CEP170B: variants seen among roughly 807,000 people sequenced by gnomAD.
CEP170B encodes centrosomal protein of 170 kDa protein B.
In CEP170B, 55 loss-of-function variants were observed where a neutral mutation model predicts 120.6. The observed-to-expected ratio is 0.46, with a 90% CI of 0.37 to 0.57. The LOEUF (loss-of-function observed/expected upper bound fraction) is 0.57. Ranked by LOEUF, CEP170B falls within the 20% of genes least tolerant of loss-of-function variation. The pLI is 0.00. For missense variants in CEP170B, 2,212 were observed against 2,253.3 expected, an observed-to-expected ratio of 0.98 and a Z score of 0.37; for synonymous variants, 1,033 against 954.5, an observed-to-expected ratio of 1.08 and a Z score of -1.52.
intron 5 of CEP170B, among the ~76,000 whole-genome samples, chr14:104,879,111 G>A (rs1249188326): frequency 1.3e-5 from 2 of 152,182 alleles, no homozygotes; most frequent in African/African-American, 4.8e-5. Flanking sequence ...AGGGGCTTTA[G>A]ATTCTCTGAC....
At position 104,886,692 on chromosome 14, in the gene CEP170B, A is replaced by T. The variant is rs920437914; in HGVS notation, c.2453A>T (p.Asp818Val). 2 of 1,559,592 alleles carry T rather than the reference A, an allele frequency of 1.3e-6. No individual in the cohort carries two copies. The highest frequency in any genetic ancestry group is 1.7e-6 in the Non-Finnish European group (2 of 1,153,902). Residue 818 changes from aspartate to valine, a missense_variant, in exon 12 of 19, where the codon GAT (aspartate) becomes GTT (valine). Asp to Val is a radical substitution (Grantham distance 152, BLOSUM62 -3). This residue lies in a region of CEP170B where 2,166 missense variants were observed against 2,166.7 expected (regional missense o/e 1.00). Transcript: ENST00000414716. ...AGGAAACCGCTTGCGGCTCCAGGGG[A>T]TGGGGAGGGCCTAGGGCAGACAGCC... ...LSRKPLAAPG[D>V]GEGLGQTAQP...
At chr14:104,883,691 T>C in intron 8 of CEP170B, 140 bp from the exon 9 acceptor site, 1 of 1,085,532 alleles carries the variant, frequency 9.2e-7, no homozygotes, top group Non-Finnish European at 1.3e-6. Context: ...CCGTTGCACT[T>C]CTTTGCCCTG....
intron 2 of CEP170B, among the ~76,000 whole-genome samples, chr14:104,872,181 G>A (rs1011212699): frequency 2.1e-5 from 3 of 145,164 alleles, no homozygotes; most frequent in African/African-American, 7.8e-5. Flanking sequence ...GTGTGCGTGT[G>A]TGTGCTGTGT....
chr14:104,872,947 T>C (rs28480267), intron 2 of CEP170B, among the ~76,000 whole-genome samples: 56,964 of 152,226 alleles, frequency 0.37, 12,830 homozygotes, highest in Middle Eastern at 0.65. Context: ...CACATCTGTG[T>C]TTGCCTGGCT....
rs754382388 is a variant in CEP170B, at chr14:104,886,504, G to T, written c.2265G>T (p.Gly755=). The change falls in exon 12 of 19, where the codon GGG becomes GGT. Residue 755 remains glycine (G), a synonymous_variant. Coordinates refer to ENST00000414716, the MANE Select transcript of CEP170B (RefSeq NM_001112726.3). ...TCAGCGATGCCAGTGGGTCGGACGG[G>T]GGCCGAGGCCCCGAGCCAGGGGTGG... is the stretch of plus-strand genomic sequence containing the variant. The part of the protein sequence containing the change: ...DSLSDASGSD[G]GRGPEPGVEP... 11 of 1,510,958 alleles carry T rather than the reference G, an allele frequency of 7.3e-6. No individual in the cohort carries two copies. In the East Asian group the frequency reaches 2.1e-4, roughly 29 times the overall value. The allele number at this position is 1,510,958 out of a possible 1,614,324, so 93.6% of individuals were successfully genotyped here.
At chr14:104,874,931 A>G (rs1040088985) in intron 2 of CEP170B, among the ~76,000 whole-genome samples, 1 of 152,214 alleles carries the variant, frequency 6.6e-6, no homozygotes, top group African/African-American at 2.4e-5. Context: ...GCCTCAGTCA[A>G]GCTGGGCCAT....
In CEP170B at chr14:104,893,380, C is replaced by T. The variant is rs573575964; in HGVS notation, c.4039-143C>T. The T allele has an allele frequency of 8.7e-5, 100 of 1,143,394 alleles. 1 individual carries two copies. In the Admixed American group the frequency reaches 1.0e-3, roughly 12 times the overall value. The allele number at this position is 1,143,394 out of a possible 1,614,324, so 70.8% of individuals were successfully genotyped here. A position where few individuals can be genotyped will look rare whatever the true frequency, so the allele number is the denominator to read the frequency against. ...ATCCCCAGCCCAGCTGCCTCCATGG[C>T]GGGGCAGGGGCACAGGAGGGACCTT... On this transcript the variant is annotated intron_variant, in intron 14 of 18. Transcript: ENST00000414716.
rs1418623994 is a variant in CEP170B, at chr14:104,889,763, G to C, written c.3878+5G>C. The C allele has an allele frequency of 1.3e-5, 20 of 1,599,678 alleles. No homozygotes were observed. The highest frequency in any genetic ancestry group is 1.7e-5 in the Non-Finnish European group (20 of 1,169,980). ...AGAGATTGCGGAGATTGCCAGGTGAGTAGCCCATTCAGAGTAAATCCACTG... is the reference window on the plus strand; with the variant it reads ...AGAGATTGCGGAGATTGCCAGGTGACTAGCCCATTCAGAGTAAATCCACTG... On this transcript the variant is annotated splice_donor_5th_base_variant and intron_variant, in intron 13 of 18. Coordinates refer to ENST00000414716, the MANE Select transcript of CEP170B (RefSeq NM_001112726.3).
upstream of CEP170B, among the ~76,000 whole-genome samples, chr14:104,865,102 C>G (rs1020373144): frequency 1.3e-5 from 2 of 150,016 alleles, no homozygotes; most frequent in African/African-American, 4.9e-5. This position sits in a 1 kb window ranked among gnomAD's most constrained non-coding sequence, Gnocchi z 6.7. Flanking sequence ...CTCTGCCGAC[C>G]GGACCACGCG....
intron 9 of CEP170B, 100 bp from the exon 10 acceptor site, chr14:104,885,269 T>A: frequency 7.4e-7 from 1 of 1,349,654 alleles, no homozygotes; most frequent in East Asian, 2.7e-5. Context: ...GCCAACCAGG[T>A]CCCTGCTCTC....
chr14:104,888,865 G>A (rs1433440454), intron 12 of CEP170B, among the ~76,000 whole-genome samples: 16 of 152,242 alleles, frequency 1.1e-4, no homozygotes, highest in East Asian at 1.9e-4. Context: ...GGGGTGGGGC[G>A]GGGCCGAGGG....
chr14:104,877,332 G>A (rs1362571238), intron 3 of CEP170B, among the ~76,000 whole-genome samples: 1 of 152,218 alleles, frequency 6.6e-6, no homozygotes, highest in Non-Finnish European at 1.5e-5. Context: ...CCCAGTCCGT[G>A]CTCCTGGGCC....
At chr14:104,875,366 C>G (rs1895782920) in intron 2 of CEP170B, among the ~76,000 whole-genome samples, 1 of 152,082 alleles carries the variant, frequency 6.6e-6, no homozygotes, top group Admixed American at 6.5e-5. Flanking sequence ...TGGGCCAGGA[C>G]TCGGTGACTT....
chr14:104,876,709 T>G (rs1279049704), intron 3 of CEP170B, among the ~76,000 whole-genome samples: 1 of 152,222 alleles, frequency 6.6e-6, no homozygotes, highest in Admixed American at 6.5e-5. Flanking sequence ...AGGATCAGGC[T>G]GCTCTCAGGG....
chr14:104,894,473 GC>G, intron 17 of CEP170B, 63 bp from the exon 18 acceptor site: 2 of 1,603,224 alleles, frequency 1.2e-6, no homozygotes, highest in Non-Finnish European at 1.7e-6. Flanking sequence ...TGCACACAGA[GC>G]CCCGGGGCAG....
Position 104,895,040 on chromosome 14 carries a change from A to G in CEP170B, c.*82A>G. 1.4e-6 allele frequency: 2 copies of G among 1,428,542 alleles called. No homozygotes were observed. The highest frequency in any genetic ancestry group is 2.6e-5 in the Admixed American group (1 of 38,062). The allele number at this position is 1,428,542 out of a possible 1,614,324, so 88.5% of individuals were successfully genotyped here. A position where few individuals can be genotyped will look rare whatever the true frequency, so the allele number is the denominator to read the frequency against. On this transcript the variant is annotated 3_prime_UTR_variant, in exon 19 of 19. Coordinates refer to ENST00000414716, the MANE Select transcript of CEP170B (RefSeq NM_001112726.3). Reference sequence around the variant, plus strand: ...GCCGCACACCCGCCTGCCTGGCCGCAGGTGGTTCTCCCTGAAGACCCCCAC... The same window carrying G: ...GCCGCACACCCGCCTGCCTGGCCGCGGGTGGTTCTCCCTGAAGACCCCCAC...
chr14:104,893,451 G>A, intron 14 of CEP170B, 72 bp from the exon 15 acceptor site: 1 of 1,531,044 alleles, frequency 6.5e-7, no homozygotes, highest in Non-Finnish European at 8.8e-7. Flanking sequence ...CCGGGCCGGA[G>A]CAGGGAGGTG....
At position 104,883,234 on chromosome 14, in the gene CEP170B, G is replaced by A. The variant is rs752495868; in HGVS notation, c.777G>A (p.Ala259=). The A allele has an allele frequency of 2.2e-5, 36 of 1,610,768 alleles. No homozygotes were observed. Among genetic ancestry groups the A allele is most frequent in the African/African-American group, 5.4e-5 (4 of 74,430 alleles). Residue 259 remains alanine, a synonymous_variant, in exon 8 of 19, where the codon GCG becomes GCA. Transcript: ENST00000414716. ...TKDAEAGGGG[A]APVVQSHASF... is the part of the protein sequence containing the mutation. ...ATGCAGAGGCAGGTGGGGGCGGAGC[G>A]GCCCCTGTGGTGCAGAGCCACGCCT... is the stretch of plus-strand genomic sequence containing the variant.
Position 104,893,669 on chromosome 14 carries a change from A to G in CEP170B, c.4182+3A>G. On this transcript the variant is annotated splice_donor_region_variant and intron_variant, in intron 15 of 18. Transcript: ENST00000414716. The stretch of plus-strand genomic sequence containing the variant: ...CGCGGCCTCGGAACCGAGAGGAGGC[A>G]CGGTGCCCACTACCGCCACGGAGCT... The G allele has an allele frequency of 1.3e-6, 2 of 1,584,020 alleles. No homozygotes were observed. The highest frequency in any genetic ancestry group is 1.7e-6 in the Non-Finnish European group (2 of 1,166,258).
Sources: allele counts gnomAD v4.1 joint callset (sites outside exome capture counted in the v4.1 genomes callset), GRCh38; gene constraint gnomAD v4.1.1; regional missense constraint gnomAD v4.1.1; non-coding constraint Gnocchi (gnomAD v3.1); transcripts MANE v1.5; gene names NCBI Gene and HGNC (gene_info 2026-07-23, HGNC 2026-07-21).